Variants in PARP11 observed in about 807,000 individuals in gnomAD.
PARP11 encodes the protein protein mono-ADP-ribosyltransferase PARP11.
Under a neutral mutation model 42.9 loss-of-function variants are expected in PARP11, and 31 were observed. That is an observed-to-expected ratio of 0.72 (90% confidence interval 0.54 to 0.98). The LOEUF (loss-of-function observed/expected upper bound fraction) is 0.98. Ranked by LOEUF, PARP11 falls within the 50% of genes least tolerant of loss-of-function variation. The probability of loss-of-function intolerance (pLI) is 0.00; values close to 1 mark genes in which losing one functional copy is unlikely to be tolerated. For synonymous variants in PARP11, 137 were observed against 127.3 expected (o/e 1.08, Z -0.51); for missense variants, 365 against 413.1 (o/e 0.88, Z 1.01).
At chr12:3,873,130 G>T in intron 1 of PARP11, 82 bp downstream of exon 1, 2 of 1,279,162 alleles carry the variant, frequency 1.6e-6, no homozygotes, top group Admixed American at 2.0e-5. Flanking sequence ...CGAGCGCGGG[G>T]AAGCAGTTCC....
intron 1 of PARP11, chr12:3,839,846 G>T: frequency 8.8e-7 from 1 of 1,132,688 alleles, no homozygotes; most frequent in Non-Finnish European, 1.4e-6. Context: ...ACTGATGTTA[G>T]TAAAATTGTG....
chr12:3,870,298 G>A (rs916995464), intron 1 of PARP11, among the ~76,000 whole-genome samples: 2 of 152,204 alleles, frequency 1.3e-5, no homozygotes, highest in Non-Finnish European at 2.9e-5. Flanking sequence ...TACAGTAGCA[G>A]TAAGACAAAT....
chr12:3,870,988 G>A (rs1948467975), intron 1 of PARP11, among the ~76,000 whole-genome samples: 1 of 152,160 alleles, frequency 6.6e-6, no homozygotes, highest in Non-Finnish European at 1.5e-5. Flanking sequence ...CTTGAAGAGA[G>A]TATTATACGT....
chr12:3,872,801 A>G, intron 1 of PARP11: 1 of 985,364 alleles, frequency 1.0e-6, no homozygotes, highest in Non-Finnish European at 1.2e-6. Context: ...AAAGTTTCAA[A>G]AAACAGTGAA....
In PARP11 at chr12:3,860,494, C is replaced by T. The variant is rs185570107; in HGVS notation, c.18+12718G>A. On this transcript the variant is annotated intron_variant, in intron 1 of 7. Transcript: ENST00000228820. ...CAACCCCATCAGAGGGTCCAGAAGG[C>T]AGCACTTCCACTTCTCTGGAAGGCA... is the stretch of plus-strand genomic sequence containing the variant. Among the ~76,000 whole-genome samples, 210 of 152,274 alleles carry T rather than the reference C, an allele frequency of 1.4e-3. 1 individual carries two copies. Among genetic ancestry groups the T allele is most frequent in the Non-Finnish European group, 3.4e-4 (23 of 68,004 alleles).
chr12:3,831,002 CA>C (rs1446198302), intron 1 of PARP11, among the ~76,000 whole-genome samples: 1 of 152,182 alleles, frequency 6.6e-6, no homozygotes. Flanking sequence ...AGAAAGGAGA[CA>C]AAGAGGCTGG....
chr12:3,868,847 A>G lies in PARP11; in HGVS notation c.18+4365T>C, dbSNP rs78920040. Among the ~76,000 whole-genome samples the G allele has an allele frequency of 6.7e-3, 1,021 of 152,354 alleles. 4 individuals carry two copies. The highest frequency in any genetic ancestry group is 0.011 in the Non-Finnish European group (719 of 68,036). On this transcript the variant is annotated intron_variant, in intron 1 of 7. Transcript: ENST00000228820. Reference sequence around the variant, plus strand: ...CTCAGTATTTTCTTTTGCTGCTAGAACAAATTACCACAAACGCAGTGGCTT... The same window carrying G: ...CTCAGTATTTTCTTTTGCTGCTAGAGCAAATTACCACAAACGCAGTGGCTT...
At chr12:3,822,334 C>T (rs1947413096) in intron 4 of PARP11, among the ~76,000 whole-genome samples, 177 bp from the exon 5 acceptor site, 2 of 151,976 alleles carry the variant, frequency 1.3e-5, no homozygotes, top group Non-Finnish European at 2.9e-5. Flanking sequence ...CGCGGTGGCT[C>T]ACGCCTGTAA....
Position 3,811,978 on chromosome 12 carries a change from A to T in PARP11, c.*145T>A. The T allele has an allele frequency of 3.3e-6, 2 of 609,108 alleles. No individual in the cohort carries two copies. The highest frequency in any genetic ancestry group is 5.6e-6 in the Non-Finnish European group (2 of 357,466). The allele number at this position is 609,108 out of a possible 1,614,324, so 37.7% of individuals were successfully genotyped here. ...AACAAAAACCAACCTTGAAGTCAGT[A>T]TGTCTTTTTATATGGAGGCCACTTT... On this transcript the variant is annotated 3_prime_UTR_variant, in exon 8 of 8. Transcript: ENST00000228820.
At chr12:3,841,308 T>C in intron 1 of PARP11, 1 of 1,249,038 alleles carries the variant, frequency 8.0e-7, no homozygotes, top group Non-Finnish European at 1.2e-6. Flanking sequence ...CATACAGTTG[T>C]CCTGTGTGGG....
At chr12:3,834,925 G>C (rs1017248186) in intron 1 of PARP11, among the ~76,000 whole-genome samples, 2 of 152,072 alleles carry the variant, frequency 1.3e-5, no homozygotes, top group African/African-American at 4.8e-5. Flanking sequence ...AACTTCATTG[G>C]CACAAGGGTC....
chr12:3,822,205 T>C (rs1362855476), intron 4 of PARP11, 48 bp from the exon 5 acceptor site: 4 of 1,421,938 alleles, frequency 2.8e-6, no homozygotes, highest in Non-Finnish European at 4.0e-6. Flanking sequence ...CGATTACAAT[T>C]ACTGTCAAGA....
chr12:3,850,102 C>T (rs1377225206), intron 1 of PARP11, among the ~76,000 whole-genome samples: 7 of 151,900 alleles, frequency 4.6e-5, no homozygotes, highest in Non-Finnish European at 7.4e-5. Context: ...GGAAATAACA[C>T]CATATGGTAA....
rs1222398198 is a variant in PARP11 at position 3,851,890 on chromosome 12, C to T, written c.18+21322G>A. ...GACTGACACCTCATACAGTCGGATG[C>T]CCCTCTGAGACGAAGCTTCCTGAGG... On this transcript the variant is annotated intron_variant, in intron 1 of 7. Transcript: ENST00000228820. 3.3e-5 allele frequency among the ~76,000 whole-genome samples: 5 copies of T among 152,302 alleles called. No homozygotes were observed. The East Asian group carries it at 9.7e-4, about 29-fold the overall frequency.
At position 3,813,706 on chromosome 12, in the gene PARP11, T is replaced by A. The variant is rs1947227577; in HGVS notation, c.700+331A>T. 3.9e-5 allele frequency among the ~76,000 whole-genome samples: 6 copies of A among 152,330 alleles called. No individual in the cohort carries two copies. The South Asian group carries it at 1.2e-3, about 32-fold the overall frequency. ...TAAGGACCAGAAAATTAAATGTACA[T>A]CCCATACCTTTTCCCCTCACCTCTC... is the stretch of plus-strand genomic sequence containing the variant. On this transcript the variant is annotated intron_variant, in intron 7 of 7. Transcript: ENST00000228820.
chr12:3,865,401 TA>T (rs1257144287), intron 1 of PARP11, among the ~76,000 whole-genome samples: 1 of 152,178 alleles, frequency 6.6e-6, no homozygotes, highest in Non-Finnish European at 1.5e-5. Context: ...TCAAGTTTGT[TA>T]TACTGTTGCT....
intron 1 of PARP11, among the ~76,000 whole-genome samples, chr12:3,844,504 A>G (rs762371603): frequency 2.1e-4 from 32 of 152,202 alleles, no homozygotes; most frequent in Admixed American, 6.5e-5. Context: ...TGAAAGTTCA[A>G]TGTGTTTGAT....
intron 1 of PARP11, chr12:3,872,883 G>C: frequency 1.4e-6 from 1 of 702,122 alleles, no homozygotes; most frequent in Non-Finnish European, 1.7e-6. Context: ...CCGAGATCAC[G>C]CCACTGCACT....
intron 6 of PARP11, among the ~76,000 whole-genome samples, chr12:3,818,724 C>A (rs1947338698): frequency 6.6e-6 from 1 of 152,192 alleles, no homozygotes; most frequent in Non-Finnish European, 1.5e-5. Context: ...TTGAAAAATG[C>A]AAAGGAACTT....
Sources: allele counts gnomAD v4.1 joint callset (sites outside exome capture counted in the v4.1 genomes callset), GRCh38; gene constraint gnomAD v4.1.1; transcripts MANE v1.5; gene names NCBI Gene and HGNC (gene_info 2026-07-23, HGNC 2026-07-21).